The following PPEF2 variants were observed in gnomAD, a reference collection of about 807,000 sequenced individuals.
PPEF2 encodes the protein protein phosphatase with EF-hand domain 2, also known as serine/threonine-protein phosphatase with EF-hands 2.
A neutral mutation model predicts 84.7 loss-of-function variants in PPEF2; 84 were observed. The ratio of observed to expected loss-of-function variants is 0.99; its 90% confidence interval spans 0.83 to 1.19. The LOEUF (loss-of-function observed/expected upper bound fraction) is 1.19, where lower values mean the gene tolerates loss of function less well. Among genes scored for constraint, PPEF2 ranks in the 50% most tolerant of loss-of-function variants. PPEF2 has a pLI of 0.00. For synonymous variants in PPEF2, 346 were observed against 345.2 expected (o/e 1.00, Z -0.03); for missense variants, 924 against 937.5 (o/e 0.99, Z 0.19).
At chr4:75,897,817 T>TCC (rs1483173824) in intron 1 of PPEF2, among the ~76,000 whole-genome samples, 4 of 152,080 alleles carry the variant, frequency 2.6e-5, no homozygotes, top group Non-Finnish European at 4.4e-5. Flanking sequence ...AAAAGCCTCG[T>TCC]CTGCCGAGAC....
At chr4:75,863,192 G>A (rs2149212986) in intron 16 of PPEF2, among the ~76,000 whole-genome samples, 1 of 151,762 alleles carries the variant, frequency 6.6e-6, no homozygotes, top group South Asian at 2.1e-4. Context: ...TTCTTTCTGG[G>A]GTGATTAAAA....
chr4:75,876,179 C>T, intron 11 of PPEF2, 108 bp downstream of exon 11: 3 of 739,978 alleles, frequency 4.1e-6, no homozygotes, highest in South Asian at 4.0e-5. Context: ...TGTTGTTACC[C>T]CAGAAAGAGA....
At chr4:75,867,637 A>C (rs543524984) in intron 13 of PPEF2, among the ~76,000 whole-genome samples, 1 of 152,308 alleles carries the variant, frequency 6.6e-6, no homozygotes, top group East Asian at 1.9e-4. Context: ...TTAGAGAAGA[A>C]GTTCTGGAGA....
At chr4:75,883,704 G>C (rs1325977810) in intron 8 of PPEF2, among the ~76,000 whole-genome samples, 1 of 150,794 alleles carries the variant, frequency 6.6e-6, no homozygotes, top group East Asian at 2.0e-4. Flanking sequence ...TGTAGTCCCA[G>C]CTACTGAGGA....
In PPEF2 at chr4:75,891,890, G is replaced by A. The variant is rs950230460; in HGVS notation, c.144C>T (p.Phe48=). Residue 48 remains phenylalanine, a synonymous_variant, in exon 3 of 17, where the codon TTC becomes TTT. Transcript: ENST00000286719. Reference sequence around the variant, plus strand: ...GCTGCCCAGCATATTCTATAGACTGGAAGATGCTCCAGGTGCAACGCCGCC... The same window carrying A: ...GCTGCCCAGCATATTCTATAGACTGAAAGATGCTCCAGGTGCAACGCCGCC... The part of the protein sequence containing the change: ...EMRRRCTWSI[F]QSIEYAGQQD... 3 of 1,613,982 alleles carry A rather than the reference G, an allele frequency of 1.9e-6. No homozygotes were observed. In the African/African-American group the frequency reaches 4.0e-5, roughly 22 times the overall value.
chr4:75,873,648 C>T (rs1266080570), intron 11 of PPEF2, among the ~76,000 whole-genome samples: 3 of 152,194 alleles, frequency 2.0e-5, no homozygotes, highest in African/African-American at 7.2e-5. Flanking sequence ...TCAGTCAGTG[C>T]CAATGCTCCA....
chr4:75,897,901 C>T (rs553030570), intron 1 of PPEF2, among the ~76,000 whole-genome samples: 91 of 152,198 alleles, frequency 6.0e-4, no homozygotes, highest in African/African-American at 1.8e-3. Flanking sequence ...TATAGAGGTG[C>T]GAAGTGGGAA....
chr4:75,865,618 T>C (rs1724109150), intron 15 of PPEF2, among the ~76,000 whole-genome samples: 1 of 152,086 alleles, frequency 6.6e-6, no homozygotes, highest in Admixed American at 6.6e-5. Context: ...ACTCCTGGCC[T>C]CAAGTGATCC....
chr4:75,876,149 A>C, intron 11 of PPEF2, 138 bp downstream of exon 11: 2 of 1,099,052 alleles, frequency 1.8e-6, no homozygotes, highest in East Asian at 2.4e-5. Flanking sequence ...CATTAGGCAA[A>C]TACTAGTGTC....
Position 75,873,177 on chromosome 4 carries a change from G to A in PPEF2, c.1456C>T (p.Arg486Cys), listed in dbSNP as rs767530774. 18 of 1,614,002 alleles carry A rather than the reference G, an allele frequency of 1.1e-5. No homozygotes were observed. The highest frequency in any genetic ancestry group is 3.3e-5 in the Admixed American group (2 of 60,004). Residue 486 changes from arginine to cysteine, a missense_variant, in exon 12 of 17, where the codon CGT (arginine) becomes TGT (cysteine). Arg to Cys is a radical substitution (Grantham distance 180). Coordinates refer to ENST00000286719, the MANE Select transcript of PPEF2 (RefSeq NM_006239.3). ...CCTTCAGGTTTGCATTCATGTGAACGGATCAGGAATTGCATGTTGTATTTT... is the reference window on the plus strand; with the variant it reads ...CCTTCAGGTTTGCATTCATGTGAACAGATCAGGAATTGCATGTTGTATTTT... ...LQKYNMQFLI[R>C]SHECKPEGYE...
intron 16 of PPEF2, among the ~76,000 whole-genome samples, chr4:75,863,707 A>AT (rs771575179): frequency 9.9e-5 from 15 of 150,852 alleles, no homozygotes; most frequent in Non-Finnish European, 1.9e-4. Context: ...ACCTCACCAT[A>AT]TTTTTTTTTA....
chr4:75,883,064 C>T lies in PPEF2; in HGVS notation c.795G>A (p.Lys265=), dbSNP rs1724618938. 6.2e-7 allele frequency: 1 copy of T among 1,613,864 alleles called. No homozygotes were observed. Among genetic ancestry groups the T allele is most frequent in the African/African-American group, 1.3e-5 (1 of 74,894 alleles). Residue 265 remains lysine (K), a synonymous_variant, in exon 10 of 17, where the codon AAG becomes AAA. Transcript: ENST00000286719. The part of the protein sequence containing the change: ...EVMNKYKVHG[K]EILRTLQDVF... ...CATCTTGCAGGGTTCTTAGTATTTC[C>T]TTCCCGTGTACCTGGAAAAAATGAT...
intron 16 of PPEF2, among the ~76,000 whole-genome samples, chr4:75,863,936 G>A (rs1172774328): frequency 4.7e-5 from 7 of 149,772 alleles, no homozygotes; most frequent in African/African-American, 1.7e-4. Flanking sequence ...CCAGTGGCAC[G>A]ACCTCGGCTC....
intron 16 of PPEF2, among the ~76,000 whole-genome samples, chr4:75,861,414 G>A (rs941297733): frequency 1.5e-5 from 2 of 136,834 alleles, no homozygotes; most frequent in African/African-American, 5.0e-5. Flanking sequence ...CATTTAATGG[G>A]GAAAGAATAG....
intron 10 of PPEF2, among the ~76,000 whole-genome samples, chr4:75,880,507 T>C (rs1253384267): frequency 1.3e-5 from 2 of 152,198 alleles, no homozygotes; most frequent in Admixed American, 1.3e-4. Context: ...AAATAAACTT[T>C]TCGTTAGCAT....
At chr4:75,887,965 T>C (rs976271477) in intron 6 of PPEF2, among the ~76,000 whole-genome samples, 1 of 152,176 alleles carries the variant, frequency 6.6e-6, no homozygotes, top group African/African-American at 2.4e-5. Context: ...GAACATGAGT[T>C]TGAGTCAGTA....
intron 4 of PPEF2, among the ~76,000 whole-genome samples, chr4:75,891,020 T>A (rs1724864239): frequency 6.6e-6 from 1 of 151,912 alleles, no homozygotes; most frequent in Non-Finnish European, 1.5e-5. Flanking sequence ...CCATCTCTAC[T>A]AAACATATAA....
chr4:75,879,612 T>G (rs1447100967), intron 10 of PPEF2, among the ~76,000 whole-genome samples: 26 of 152,134 alleles, frequency 1.7e-4, no homozygotes, highest in Admixed American at 1.7e-3. Context: ...ATAATAAAAA[T>G]TAGAAGCACT....
Position 75,884,673 on chromosome 4 carries a change from G to T in PPEF2, c.667C>A (p.Leu223Ile). 1 of 1,613,760 alleles carries T rather than the reference G, an allele frequency of 6.2e-7. No homozygotes were observed. The highest frequency in any genetic ancestry group is 2.2e-5 in the East Asian group (1 of 44,860). ...GGGTAAACCAGCATGAAGGCAAAAA[G>T]AATCATCAGGATCTCTACTGAATCC... ...GKDSVEILMI[L>I]FAFMLVYPKE... Residue 223 changes from leucine to isoleucine, a missense_variant, in exon 8 of 17, where the codon CTT (leucine) becomes ATT (isoleucine). By Grantham distance (5) the Leu-to-Ile change is conservative. Transcript: ENST00000286719.
Sources: allele counts gnomAD v4.1 joint callset (sites outside exome capture counted in the v4.1 genomes callset), GRCh38; gene constraint gnomAD v4.1.1; transcripts MANE v1.5; gene names NCBI Gene and HGNC (gene_info 2026-07-23, HGNC 2026-07-21).